TTC29: variants seen among roughly 807,000 people sequenced by gnomAD.
TTC29 encodes tetratricopeptide repeat protein 29.
A neutral mutation model predicts 58.1 loss-of-function variants in TTC29; 49 were observed. The observed-to-expected ratio is 0.84, with a 90% CI of 0.67 to 1.07. The LOEUF (loss-of-function observed/expected upper bound fraction) is 1.07. TTC29 is among the 50% of genes least tolerant of loss of function. The probability of loss-of-function intolerance (pLI) is 0.00; values close to 1 mark genes in which losing one functional copy is unlikely to be tolerated. For missense variants in TTC29, 582 were observed against 555.6 expected (o/e 1.05, Z -0.48); for synonymous variants, 209 against 196.8 (o/e 1.06, Z -0.52).
intron 11 of TTC29, among the ~76,000 whole-genome samples, chr4:146,730,776 T>A (rs1744276365): frequency 6.6e-6 from 1 of 152,134 alleles, no homozygotes; most frequent in African/African-American, 2.4e-5. Context: ...ATTGATGAAT[T>A]TGAGAACAGC....
intron 8 of TTC29, among the ~76,000 whole-genome samples, chr4:146,855,938 G>A (rs1200366402): frequency 1.3e-5 from 2 of 151,766 alleles, no homozygotes; most frequent in East Asian, 1.9e-4. Context: ...TTCTTCTTTC[G>A]CAGCCTCTAG....
At chr4:146,847,349 A>G (rs1729238808) in intron 8 of TTC29, among the ~76,000 whole-genome samples, 1 of 152,214 alleles carries the variant, frequency 6.6e-6, no homozygotes, top group Non-Finnish European at 1.5e-5. Flanking sequence ...ACAACAGTTT[A>G]GTACTTTATC....
intron 11 of TTC29, among the ~76,000 whole-genome samples, chr4:146,720,719 T>C (rs1049854541): frequency 1.6e-4 from 24 of 152,134 alleles, no homozygotes; most frequent in African/African-American, 5.8e-4. Flanking sequence ...GTAGACACTC[T>C]TTTGACTAAG....
At chr4:146,756,284 A>T (rs1746445567) in intron 11 of TTC29, among the ~76,000 whole-genome samples, 1 of 151,980 alleles carries the variant, frequency 6.6e-6, no homozygotes, top group South Asian at 2.1e-4. Flanking sequence ...AAAAAAAAAA[A>T]AAAAATCTGT....
chr4:146,751,637 GCCAAAA>G (rs1746004689), intron 11 of TTC29, among the ~76,000 whole-genome samples: 2 of 152,040 alleles, frequency 1.3e-5, no homozygotes, highest in South Asian at 2.1e-4. Context: ...TTAAAAATAC[GCCAAAA>G]ACAGACAAAT....
intron 7 of TTC29, among the ~76,000 whole-genome samples, chr4:146,872,473 A>G (rs2150218535): frequency 6.6e-6 from 1 of 152,180 alleles, no homozygotes; most frequent in African/African-American, 2.4e-5. Context: ...AGGAGAAAAT[A>G]TTTTCAAATC....
intron 5 of TTC29, among the ~76,000 whole-genome samples, chr4:146,907,357 G>T (rs1210169254): frequency 6.6e-6 from 1 of 152,080 alleles, no homozygotes; most frequent in Non-Finnish European, 1.5e-5. Context: ...TCCAATGAAA[G>T]CCTCAATTTA....
intron 11 of TTC29, among the ~76,000 whole-genome samples, chr4:146,728,101 A>C (rs913467937): frequency 1.6e-4 from 24 of 152,074 alleles, no homozygotes; most frequent in African/African-American, 5.8e-4. Context: ...AGCCTGGCCA[A>C]CATGGCAAAA....
chr4:146,924,325 G>C (rs1373302706), intron 4 of TTC29, among the ~76,000 whole-genome samples: 1 of 151,760 alleles, frequency 6.6e-6, no homozygotes, highest in Non-Finnish European at 1.5e-5. Context: ...TTCGTGTTGA[G>C]TTTGTCATTA....
At chr4:146,727,014 T>C (rs941197038) in intron 11 of TTC29, among the ~76,000 whole-genome samples, 1 of 151,810 alleles carries the variant, frequency 6.6e-6, no homozygotes, top group Non-Finnish European at 1.5e-5. Context: ...AGGCAACCAC[T>C]GTTACTGTTT....
chr4:146,894,262 A>G (rs563984750), intron 6 of TTC29, among the ~76,000 whole-genome samples: 1 of 152,224 alleles, frequency 6.6e-6, no homozygotes, highest in African/African-American at 2.4e-5. Flanking sequence ...TCACAATAGC[A>G]AAGACTTGGA....
chr4:146,839,535 CGTGTGTGTGTGTGTGTGTGT>C (rs5862775), intron 8 of TTC29, among the ~76,000 whole-genome samples: 1 of 140,494 alleles, frequency 7.1e-6, no homozygotes, highest in South Asian at 2.4e-4. Context: ...TACATGAACT[CGTGTGTGTGTGTGTGTGTGT>C]GTGTGTGTGT....
intron 11 of TTC29, among the ~76,000 whole-genome samples, chr4:146,730,534 G>A (rs1744248949): frequency 1.3e-5 from 2 of 152,138 alleles, no homozygotes; most frequent in Admixed American, 1.3e-4. Context: ...ATTAAAGATT[G>A]AGCCATGGGT....
intron 8 of TTC29, among the ~76,000 whole-genome samples, chr4:146,845,112 C>T (rs1391664544): frequency 1.3e-5 from 2 of 152,160 alleles, no homozygotes; most frequent in African/African-American, 4.8e-5. Context: ...GGGTTTCTCT[C>T]CTTGCCACAG....
chr4:146,937,705 G>T (rs1236440030), intron 3 of TTC29, 28 bp from the exon 4 acceptor site: 2 of 1,326,894 alleles, frequency 1.5e-6, no homozygotes, highest in Non-Finnish European at 2.1e-6. Context: ...AAATAATAAA[G>T]CACAGCCTTA....
intron 8 of TTC29, among the ~76,000 whole-genome samples, chr4:146,837,656 T>C (rs1728599588): frequency 6.6e-6 from 1 of 151,990 alleles, no homozygotes. Context: ...TCAAGTATTA[T>C]AAGAAAATAC....
At chr4:146,923,201 T>G (rs1307400432) in intron 4 of TTC29, among the ~76,000 whole-genome samples, 1 of 151,876 alleles carries the variant, frequency 6.6e-6, no homozygotes. Flanking sequence ...AAATTTTTAA[T>G]TTGCCCTCAC....
intron 11 of TTC29, among the ~76,000 whole-genome samples, chr4:146,775,755 T>A (rs1370267057): frequency 6.6e-6 from 1 of 152,178 alleles, no homozygotes; most frequent in South Asian, 2.1e-4. Context: ...TTGTATAATA[T>A]CTTGCAGGGG....
chr4:146,891,756 C>T (rs766683354), intron 6 of TTC29, among the ~76,000 whole-genome samples: 1 of 152,120 alleles, frequency 6.6e-6, no homozygotes, highest in African/African-American at 2.4e-5. Context: ...AGCCAGAGCA[C>T]GAGTGTCTTG....
Sources: gnomAD v4.1 joint callset for allele counts (sites outside exome capture counted in the v4.1 genomes callset) on GRCh38, gnomAD v4.1.1 for gene constraint, MANE v1.5 for transcripts, NCBI Gene and HGNC (gene_info 2026-07-23, HGNC 2026-07-21) for gene names.